Variants in TM2D1 observed in about 807,000 individuals in gnomAD.
The protein encoded by TM2D1 is TM2 domain containing 1.
TM2D1 carries 15 observed loss-of-function variants against 28.4 expected under a neutral mutation model. The ratio of observed to expected loss-of-function variants is 0.53; its 90% CI spans 0.35 to 0.81. The LOEUF (loss-of-function observed/expected upper bound fraction) is 0.81, where lower values mean the gene tolerates loss of function less well. TM2D1 is among the 40% of genes least tolerant of loss of function. TM2D1 has a pLI of 0.01. For missense variants in TM2D1, 236 were observed against 254.9 expected (o/e 0.93, Z 0.50); for synonymous variants, 93 against 96.2 (o/e 0.97, Z 0.20).
At chr1:61,715,596 C>T (rs1007347145) in intron 2 of TM2D1, among the ~76,000 whole-genome samples, 2 of 118,680 alleles carry the variant, frequency 1.7e-5, no homozygotes, top group African/African-American at 6.8e-5. Flanking sequence ...TGCAGTGAGC[C>T]GAGATGGCAC....
chr1:61,691,187 T>A (rs1367054914), intron 5 of TM2D1, among the ~76,000 whole-genome samples: 2 of 152,118 alleles, frequency 1.3e-5, no homozygotes, highest in African/African-American at 4.8e-5. Flanking sequence ...TATACGTCAG[T>A]GATTTTGGTA....
At chr1:61,715,341 A>G (rs533213000) in intron 2 of TM2D1, among the ~76,000 whole-genome samples, 191 of 152,230 alleles carry the variant, frequency 1.3e-3, no homozygotes, top group African/African-American at 4.3e-3. Flanking sequence ...GACATGGGAC[A>G]TATCTTTTAT....
intron 5 of TM2D1, among the ~76,000 whole-genome samples, chr1:61,691,932 A>AAAAATATATATATATAT: frequency 2.7e-3 from 208 of 76,230 alleles, no homozygotes; most frequent in East Asian, 7.6e-3. Context: ...AAAAAAAAAA[A>AAAAATATATATATATAT]ATATATATAT....
intron 3 of TM2D1, 124 bp downstream of exon 3, chr1:61,709,205 C>T: frequency 1.5e-6 from 1 of 651,478 alleles, no homozygotes; most frequent in South Asian, 1.9e-5. Flanking sequence ...GGTTTTCTGA[C>T]ACAAGCAAAA....
chr1:61,695,228 CTT>C (rs1176069218), intron 4 of TM2D1, among the ~76,000 whole-genome samples: 2 of 151,968 alleles, frequency 1.3e-5, no homozygotes, highest in African/African-American at 4.8e-5. Context: ...AAACACTGCT[CTT>C]GTTGTAAAAT....
chr1:61,721,658 TGAGA>T (rs1016873743), intron 2 of TM2D1, among the ~76,000 whole-genome samples: 2 of 152,014 alleles, frequency 1.3e-5, no homozygotes, highest in African/African-American at 2.4e-5. Context: ...GCTGGAAGAA[TGAGA>T]GAGATCACTT....
chr1:61,712,564 C>T (rs986635443), intron 2 of TM2D1, among the ~76,000 whole-genome samples: 4 of 152,062 alleles, frequency 2.6e-5, no homozygotes, highest in African/African-American at 9.7e-5. Flanking sequence ...GCACCTGCTA[C>T]CATGTCCAAT....
intron 5 of TM2D1, among the ~76,000 whole-genome samples, chr1:61,693,440 A>G (rs1375581824): frequency 1.3e-5 from 2 of 152,186 alleles, no homozygotes; most frequent in South Asian, 2.1e-4. Context: ...AAGAATCCCA[A>G]TAATATATTA....
At position 61,700,925 on chromosome 1, in the gene TM2D1, CAT is replaced by C; in HGVS notation, c.439+7_439+8del. 1 of 1,594,980 alleles carries C rather than the reference CAT, an allele frequency of 6.3e-7. No homozygotes were observed. Among genetic ancestry groups the C allele is most frequent in the Non-Finnish European group, 8.5e-7 (1 of 1,171,832 alleles). On this transcript the variant is annotated splice_region_variant and intron_variant, in intron 4 of 6. Transcript: ENST00000606498. ...TCATAAGGATTTTTTTTTAATGAAA[CAT>C]ACGCACCCAAAGCAGGGTATCCAAG... is the stretch of plus-strand genomic sequence containing the variant.
intron 3 of TM2D1, among the ~76,000 whole-genome samples, chr1:61,701,737 A>T (rs1481542633): frequency 6.6e-6 from 1 of 152,144 alleles, no homozygotes; most frequent in Non-Finnish European, 1.5e-5. Context: ...ATAGGGCACC[A>T]AACTAGAAGC....
intron 2 of TM2D1, among the ~76,000 whole-genome samples, chr1:61,713,321 A>G (rs1011044552): frequency 5.9e-5 from 9 of 151,690 alleles, no homozygotes; most frequent in African/African-American, 1.9e-4. Flanking sequence ...TATCAAAAAT[A>G]CAAAAAATTA....
rs758105634 is a variant in TM2D1, at chr1:61,725,121, C to T, written c.-1G>A. On this transcript the variant is annotated 5_prime_UTR_variant, in exon 1 of 7. Transcript: ENST00000606498. Reference sequence around the variant, plus strand: ...GACCAGACGGCCAGGCGGCCGCCATCTTGGAGACCGACACTTTCTCGCCAC... The same window carrying T: ...GACCAGACGGCCAGGCGGCCGCCATTTTGGAGACCGACACTTTCTCGCCAC... 11 of 1,613,442 alleles carry T rather than the reference C, an allele frequency of 6.8e-6. No homozygotes were observed. In the South Asian group the frequency reaches 9.9e-5, roughly 14 times the overall value.
chr1:61,684,016 T>A (rs542004212), intron 5 of TM2D1, among the ~76,000 whole-genome samples: 1 of 152,130 alleles, frequency 6.6e-6, no homozygotes. Flanking sequence ...ACTATATCCA[T>A]GGGAATAGAT....
chr1:61,682,195 C>T (rs1280095914), intron 6 of TM2D1, among the ~76,000 whole-genome samples: 5 of 152,170 alleles, frequency 3.3e-5, no homozygotes, highest in Non-Finnish European at 5.9e-5. Context: ...TGTCTATTCT[C>T]TTGCTGGCCT....
At chr1:61,705,770 C>T (rs1263180129) in intron 3 of TM2D1, among the ~76,000 whole-genome samples, 3 of 152,136 alleles carry the variant, frequency 2.0e-5, no homozygotes, top group Non-Finnish European at 4.4e-5. Flanking sequence ...CCACCACCAC[C>T]CAGACCTCCA....
chr1:61,717,742 T>C (rs547618796), intron 2 of TM2D1, among the ~76,000 whole-genome samples: 3 of 151,988 alleles, frequency 2.0e-5, no homozygotes, highest in Non-Finnish European at 4.4e-5. Flanking sequence ...ACACCTGGTA[T>C]AGAAACCAGT....
intron 3 of TM2D1, among the ~76,000 whole-genome samples, chr1:61,702,421 T>C (rs1235185372): frequency 3.3e-5 from 5 of 150,974 alleles, no homozygotes; most frequent in Non-Finnish European, 7.4e-5. Context: ...CAGGCTGGAG[T>C]GCAGTGGCGT....
At chr1:61,698,160 T>C (rs1275440339) in intron 4 of TM2D1, 1 of 152,030 alleles carries the variant, frequency 6.6e-6, no homozygotes, top group African/African-American at 2.4e-5. Flanking sequence ...AGCCTGTTTC[T>C]AGTTTTTTTT....
intron 3 of TM2D1, among the ~76,000 whole-genome samples, chr1:61,705,454 G>T (rs2148053200): frequency 1.3e-5 from 2 of 152,204 alleles, no homozygotes; most frequent in Middle Eastern, 6.8e-3. Flanking sequence ...CCAAAGTGCT[G>T]GGATTACAGG....
Sources: allele counts gnomAD v4.1 joint callset (sites outside exome capture counted in the v4.1 genomes callset), GRCh38; gene constraint gnomAD v4.1.1; transcripts MANE v1.5; gene names NCBI Gene and HGNC (gene_info 2026-07-23, HGNC 2026-07-21).